The following ZRANB3 variants were observed in gnomAD, a reference collection of about 807,000 sequenced individuals.
ZRANB3 encodes the protein DNA annealing helicase and endonuclease ZRANB3.
In ZRANB3, 125 loss-of-function variants were observed where a neutral mutation model predicts 133.8. The observed-to-expected ratio is 0.93, with a 90% CI of 0.81 to 1.08. The LOEUF is 1.08. Among genes scored for constraint, ZRANB3 ranks in the 50% least tolerant of loss-of-function variants. The probability of loss-of-function intolerance (pLI) is 0.00; values close to 1 mark genes in which losing one functional copy is unlikely to be tolerated. For synonymous variants in ZRANB3, 387 were observed against 432.7 expected (o/e 0.89, Z 1.31); for missense variants, 1,229 against 1,275.5 (o/e 0.96, Z 0.56).
intron 10 of ZRANB3, 62 bp from the exon 11 acceptor site, chr2:135,269,203 T>G (rs1680396354): frequency 7.4e-7 from 1 of 1,349,644 alleles, no homozygotes; most frequent in Non-Finnish European, 9.8e-7. Flanking sequence ...AATAAAGTAT[T>G]TCTGAACATG....
intron 2 of ZRANB3, among the ~76,000 whole-genome samples, chr2:135,415,941 A>G (rs942668531): frequency 6.6e-6 from 1 of 152,080 alleles, no homozygotes; most frequent in Non-Finnish European, 1.5e-5. Context: ...TAAATTAGGT[A>G]TTGATGGGAC....
intron 8 of ZRANB3, among the ~76,000 whole-genome samples, chr2:135,281,573 C>T (rs772301739): frequency 1.6e-4 from 25 of 152,024 alleles, no homozygotes; most frequent in Non-Finnish European, 3.4e-4. Flanking sequence ...TCTGATATCC[C>T]GGAATGCAGC....
chr2:135,203,023 T>A (rs1460015975), intron 19 of ZRANB3, 60 bp from the exon 20 acceptor site: 2 of 1,570,984 alleles, frequency 1.3e-6, no homozygotes, highest in Non-Finnish European at 1.7e-6. Flanking sequence ...TGTTTGTTGG[T>A]TTTGCATTGT....
At chr2:135,443,072 C>T (rs1255319337) in intron 2 of ZRANB3, among the ~76,000 whole-genome samples, 13 of 150,366 alleles carry the variant, frequency 8.6e-5, no homozygotes, top group Non-Finnish European at 1.3e-4. Flanking sequence ...GCCAAGATCC[C>T]GCCACTGCAC....
intron 2 of ZRANB3, among the ~76,000 whole-genome samples, chr2:135,415,401 A>C (rs902588607): frequency 7.2e-5 from 11 of 152,196 alleles, no homozygotes; most frequent in African/African-American, 2.7e-4. Flanking sequence ...CCCAAGACTA[A>C]ACCAGGAAGA....
At chr2:135,495,961 G>A (rs182338711) in intron 2 of ZRANB3, among the ~76,000 whole-genome samples, 154 of 152,266 alleles carry the variant, frequency 1.0e-3, no homozygotes, top group Admixed American at 1.2e-3. Context: ...ATTCATAATA[G>A]TAAGCCTACC....
chr2:135,495,383 A>G (rs552886447), intron 2 of ZRANB3, among the ~76,000 whole-genome samples: 1 of 152,322 alleles, frequency 6.6e-6, no homozygotes, highest in South Asian at 2.1e-4. Context: ...CAAGTTTATT[A>G]GGAAAGTAAA....
intron 8 of ZRANB3, among the ~76,000 whole-genome samples, chr2:135,301,417 C>G (rs1374969412): frequency 6.6e-6 from 1 of 152,070 alleles, no homozygotes; most frequent in Non-Finnish European, 1.5e-5. Flanking sequence ...AACTCCTGAC[C>G]TCAAGTGATC....
chr2:135,288,481 T>C (rs1477081467), intron 8 of ZRANB3, among the ~76,000 whole-genome samples: 1 of 152,214 alleles, frequency 6.6e-6, no homozygotes, highest in Non-Finnish European at 1.5e-5. Context: ...ACTTTATCTT[T>C]CGGAACAGTT....
At chr2:135,325,283 A>G (rs1228376538) in intron 6 of ZRANB3, among the ~76,000 whole-genome samples, 1 of 152,224 alleles carries the variant, frequency 6.6e-6, no homozygotes, top group Non-Finnish European at 1.5e-5. Context: ...TGCTAACAAA[A>G]CAACTTATTA....
intron 2 of ZRANB3, among the ~76,000 whole-genome samples, chr2:135,438,523 A>G (rs1192457312): frequency 6.6e-6 from 1 of 151,628 alleles, no homozygotes; most frequent in Admixed American, 6.6e-5. Flanking sequence ...AAAAAAAAAA[A>G]AATTGTTAAT....
rs763005671 is a variant in ZRANB3 at position 135,208,843 on chromosome 2, T to C, written c.2606+25A>G. ...TAAAGGAGTGGAATTAGTACTACTATATACTAGTAGTAGAAAAACCTTACT... is the reference window on the plus strand; with the variant it reads ...TAAAGGAGTGGAATTAGTACTACTACATACTAGTAGTAGAAAAACCTTACT... On this transcript the variant is annotated intron_variant, in intron 18 of 20. Transcript: ENST00000264159. 5 of 1,516,130 alleles carry C rather than the reference T, an allele frequency of 3.3e-6. No individual in the cohort carries two copies. In the Admixed American group the frequency reaches 5.0e-5, roughly 15 times the overall value. 93.9% of individuals were successfully genotyped at this position (1,516,130 alleles called of 1,614,324 possible). A position where few individuals can be genotyped will look rare whatever the true frequency, so the allele number is the denominator to read the frequency against.
At chr2:135,240,342 T>C (rs1034815052) in intron 12 of ZRANB3, among the ~76,000 whole-genome samples, 9 of 152,212 alleles carry the variant, frequency 5.9e-5, no homozygotes, top group African/African-American at 2.2e-4. Flanking sequence ...AAGAAACAAA[T>C]AGAATTAAAC....
At chr2:135,294,752 C>T (rs1345017083) in intron 8 of ZRANB3, among the ~76,000 whole-genome samples, 1 of 152,010 alleles carries the variant, frequency 6.6e-6, no homozygotes, top group Admixed American at 6.6e-5. Flanking sequence ...AAATTTCCCT[C>T]TACACACTGC....
At chr2:135,294,824 A>C (rs2104799758) in intron 8 of ZRANB3, among the ~76,000 whole-genome samples, 1 of 152,114 alleles carries the variant, frequency 6.6e-6, no homozygotes, top group East Asian at 1.9e-4. Flanking sequence ...TTCAAAGAAC[A>C]CCTTTACTTC....
chr2:135,476,626 T>C (rs1162186166), intron 2 of ZRANB3, among the ~76,000 whole-genome samples: 1 of 151,988 alleles, frequency 6.6e-6, no homozygotes, highest in East Asian at 1.9e-4. Context: ...GTAATTAAGT[T>C]ACAAACCTCA....
intron 6 of ZRANB3, among the ~76,000 whole-genome samples, chr2:135,344,894 T>C (rs1684847432): frequency 6.6e-6 from 1 of 152,202 alleles, no homozygotes; most frequent in African/African-American, 2.4e-5. Flanking sequence ...AATAATATTA[T>C]ACACATGTAA....
intron 8 of ZRANB3, among the ~76,000 whole-genome samples, chr2:135,279,438 A>G (rs561976252): frequency 1.6e-4 from 24 of 152,302 alleles, no homozygotes; most frequent in Non-Finnish European, 2.8e-4. Context: ...TAAATTCTGG[A>G]TATGTTGTCA....
chr2:135,501,127 A>G (rs1692923126), intron 2 of ZRANB3, among the ~76,000 whole-genome samples: 1 of 152,180 alleles, frequency 6.6e-6, no homozygotes, highest in Non-Finnish European at 1.5e-5. Context: ...CCAAAGACAA[A>G]GAGAAAATCT....
Sources: gnomAD v4.1 joint callset for allele counts (sites outside exome capture counted in the v4.1 genomes callset) on GRCh38, gnomAD v4.1.1 for gene constraint, MANE v1.5 for transcripts, NCBI Gene and HGNC (gene_info 2026-07-23, HGNC 2026-07-21) for gene names.